SIPA1L1: variants seen among roughly 807,000 people sequenced by gnomAD.
SIPA1L1 encodes the protein signal induced proliferation associated 1 like 1.
A neutral mutation model predicts 162.7 loss-of-function variants in SIPA1L1; 26 were observed. The observed-to-expected ratio is 0.16, with a 90% CI of 0.12 to 0.22. The LOEUF (loss-of-function observed/expected upper bound fraction) is 0.22. SIPA1L1 is among the 10% of genes least tolerant of loss of function. The pLI, the probability that SIPA1L1 is intolerant of heterozygous loss-of-function variation, is 1.00. For synonymous variants in SIPA1L1, 829 were observed against 837.4 expected, an observed-to-expected ratio of 0.99 and a Z score of 0.17; for missense variants, 1,874 against 2,241.0, an observed-to-expected ratio of 0.84 and a Z score of 3.31.
intron 4 of SIPA1L1, among the ~76,000 whole-genome samples, chr14:71,549,388 TG>T (rs1395156608): frequency 6.6e-6 from 1 of 152,132 alleles, no homozygotes. Flanking sequence ...GAGAAGGAGC[TG>T]TCCCATATGT....
intron 2 of SIPA1L1, among the ~76,000 whole-genome samples, chr14:71,425,032 G>GT (rs1022884834): frequency 4.0e-5 from 6 of 151,840 alleles, no homozygotes; most frequent in African/African-American, 9.7e-5. Context: ...AGGTTATCCA[G>GT]TTTTTTTGCA....
intron 8 of SIPA1L1, among the ~76,000 whole-genome samples, chr14:71,657,435 C>G (rs1025123050): frequency 2.6e-5 from 4 of 151,880 alleles, no homozygotes; most frequent in African/African-American, 9.7e-5. Context: ...ACCCCTAAGT[C>G]CAGATCCTTT....
At chr14:71,665,826 T>C (rs7161565) in intron 10 of SIPA1L1, among the ~76,000 whole-genome samples, 1 of 152,102 alleles carries the variant, frequency 6.6e-6, no homozygotes, top group South Asian at 2.1e-4. Flanking sequence ...ATTTCTAAAT[T>C]AGGCACAGTA....
chr14:71,494,481 C>G (rs1200710513), intron 2 of SIPA1L1, among the ~76,000 whole-genome samples: 1 of 150,412 alleles, frequency 6.6e-6, no homozygotes, highest in Admixed American at 6.6e-5. Flanking sequence ...TAAGATGAAT[C>G]CCGTTTGGTC....
intron 4 of SIPA1L1, among the ~76,000 whole-genome samples, chr14:71,576,069 C>T (rs1249245938): frequency 6.6e-6 from 1 of 152,222 alleles, no homozygotes; most frequent in African/African-American, 2.4e-5. Context: ...CTAGTGATTA[C>T]ATTTCAAGGG....
intron 5 of SIPA1L1, among the ~76,000 whole-genome samples, chr14:71,611,840 T>C (rs2038256130): frequency 1.3e-5 from 2 of 152,210 alleles, no homozygotes; most frequent in African/African-American, 4.8e-5. Flanking sequence ...TCTTTGCTAT[T>C]GTAAATACTG....
rs930534585 is a variant in SIPA1L1 at position 71,730,294 on chromosome 14, G to A, written c.4854G>A (p.Ser1618=). 7.4e-6 allele frequency: 12 copies of A among 1,613,840 alleles called. No homozygotes were observed. The highest frequency in any genetic ancestry group is 1.0e-5 in the Non-Finnish European group (12 of 1,179,972). Residue 1618 remains serine (S), a synonymous_variant, in exon 20 of 24, where the codon TCG becomes TCA. Coordinates refer to ENST00000381232, the MANE Select transcript of SIPA1L1 (RefSeq NM_001386936.1). ...RRPSYTLGMK[S]LHGEFSASDS... is the part of the protein sequence containing the mutation. ...CTTCTTACACCTTAGGAATGAAATC[G>A]CTGCATGGTAAGTGGTCTTTCAGCT...
chr14:71,492,071 A>G (rs2049328696), intron 2 of SIPA1L1, among the ~76,000 whole-genome samples: 1 of 152,092 alleles, frequency 6.6e-6, no homozygotes, highest in South Asian at 2.1e-4. Context: ...ATTGGCCGAG[A>G]TGCCTGTCCT....
chr14:71,650,354 T>A lies in SIPA1L1; in HGVS notation c.1838T>A (p.Val613Glu). 1 of 1,614,102 alleles carries A rather than the reference T, an allele frequency of 6.2e-7. No homozygotes were observed. Among genetic ancestry groups the A allele is most frequent in the African/African-American group, 1.3e-5 (1 of 75,054 alleles). The change falls in exon 8 of 24, where the codon GTA becomes GAA. Residue 613 changes from valine (V) to glutamate (E), a missense_variant. Val to Glu is a moderately radical substitution (Grantham distance 121, BLOSUM62 -2). This residue lies in a region of SIPA1L1 where 685 missense variants were observed against 828.0 expected (regional missense o/e 0.83). Transcript: ENST00000381232. ...DEQGLNYQQK[V>E]GIMYCKAGQS... ...TCACAGCTGAACTACCAGCAGAAAG[T>A]AGGCATCATGTACTGCAAAGCTGGA...
At chr14:71,653,433 C>T (rs960246418) in intron 8 of SIPA1L1, among the ~76,000 whole-genome samples, 4 of 152,164 alleles carry the variant, frequency 2.6e-5, no homozygotes, top group East Asian at 3.9e-4. Context: ...ATTTCTGAAC[C>T]TTTCATCTGA....
intron 4 of SIPA1L1, among the ~76,000 whole-genome samples, chr14:71,554,385 A>C (rs534919704): frequency 1.3e-5 from 2 of 152,348 alleles, no homozygotes; most frequent in East Asian, 3.8e-4. Context: ...CTTAAAAATA[A>C]AAAATATAAA....
chr14:71,610,512 C>T (rs1408148453), intron 5 of SIPA1L1, among the ~76,000 whole-genome samples: 3 of 152,092 alleles, frequency 2.0e-5, no homozygotes, highest in Non-Finnish European at 2.9e-5. Flanking sequence ...CAACAAAAGA[C>T]ATTTTGTTTC....
At chr14:71,722,640 C>T (rs767357221) in intron 17 of SIPA1L1, among the ~76,000 whole-genome samples, 1 of 152,214 alleles carries the variant, frequency 6.6e-6, no homozygotes, top group Non-Finnish European at 1.5e-5. Flanking sequence ...TCAACTAAAA[C>T]TCTCATCCCT....
Position 71,624,166 on chromosome 14 carries a change from T to C in SIPA1L1, c.1748T>C (p.Val583Ala), listed in dbSNP as rs2039732562. The change falls in exon 7 of 24, where the codon GTC becomes GCC. Residue 583 changes from valine (V) to alanine (A), a missense_variant. By Grantham distance (64) the Val-to-Ala change is moderately conservative (BLOSUM62 0). This residue lies in a region of SIPA1L1 where 685 missense variants were observed against 828.0 expected (regional missense o/e 0.83). Transcript: ENST00000381232. ...GAGCACGTGGTTCCTGAGCTCAATG[T>C]CCAGTGCCTGCGGTTGGCCTTCAAC... Reference protein sequence around the residue: ...VLEHVVPELNVQCLRLAFNTP... With the variant: ...VLEHVVPELNAQCLRLAFNTP... 7 of 1,614,166 alleles carry C rather than the reference T, an allele frequency of 4.3e-6. No individual in the cohort carries two copies. Among genetic ancestry groups the C allele is most frequent in the Non-Finnish European group, 5.1e-6 (6 of 1,180,022 alleles).
chr14:71,710,608 GAC>G (rs2082797899), intron 17 of SIPA1L1, among the ~76,000 whole-genome samples: 1 of 152,098 alleles, frequency 6.6e-6, no homozygotes, highest in Non-Finnish European at 1.5e-5. Context: ...AGGAGTTTGA[GAC>G]CAGCTTGGCC....
chr14:71,522,124 C>G (rs2052417199), intron 3 of SIPA1L1, among the ~76,000 whole-genome samples: 1 of 152,156 alleles, frequency 6.6e-6, no homozygotes. Context: ...GTTGATAGTT[C>G]TCTCTCTTAG....
At chr14:71,428,392 G>GTTTTAT (rs926212964) in intron 2 of SIPA1L1, among the ~76,000 whole-genome samples, 64 of 151,496 alleles carry the variant, frequency 4.2e-4, no homozygotes, top group African/African-American at 1.2e-3. Flanking sequence ...TTTTTTACTG[G>GTTTTAT]TTTTATTTTT....
chr14:71,359,807 T>C (rs551240077), intron 2 of SIPA1L1, among the ~76,000 whole-genome samples: 21 of 152,218 alleles, frequency 1.4e-4, no homozygotes, highest in Non-Finnish European at 1.9e-4. Flanking sequence ...TGAAGAGTCA[T>C]GAGATTATGC....
At chr14:71,362,650 C>T (rs1320614474) in intron 2 of SIPA1L1, among the ~76,000 whole-genome samples, 1 of 152,064 alleles carries the variant, frequency 6.6e-6, no homozygotes, top group East Asian at 1.9e-4. Flanking sequence ...TAATTATTTC[C>T]CCCTTTTCAA....
Sources: gnomAD v4.1 joint callset for allele counts (sites outside exome capture counted in the v4.1 genomes callset) on GRCh38, gnomAD v4.1.1 for gene constraint, gnomAD v4.1.1 regional missense constraint, MANE v1.5 for transcripts, NCBI Gene and HGNC (gene_info 2026-07-23, HGNC 2026-07-21) for gene names.